The following PDE6G variants were observed in gnomAD, a reference collection of about 807,000 sequenced individuals.
The protein encoded by PDE6G is phosphodiesterase 6G.
PDE6G carries 10 observed loss-of-function variants against 10.9 expected under a neutral mutation model. The ratio of observed to expected loss-of-function variants is 0.91; its 90% CI spans 0.56 to 1.55. The LOEUF (loss-of-function observed/expected upper bound fraction) is 1.55. Among genes scored for constraint, PDE6G ranks in the 40% most tolerant of loss-of-function variants. PDE6G has a pLI of 0.00. For missense variants in PDE6G, 102 were observed against 110.1 expected, an observed-to-expected ratio of 0.93 and a Z score of 0.33; for synonymous variants, 41 against 42.8, an observed-to-expected ratio of 0.96 and a Z score of 0.16.
In PDE6G at chr17:81,651,232, G is replaced by C; in HGVS notation, c.188-82C>G. 9.9e-7 allele frequency: 1 copy of C among 1,014,398 alleles called. No homozygotes were observed. The highest frequency in any genetic ancestry group is 1.5e-6 in the Non-Finnish European group (1 of 645,778). 62.8% of individuals were successfully genotyped at this position (1,014,398 alleles called of 1,614,324 possible). On this transcript the variant is annotated intron_variant, in intron 3 of 3. Coordinates refer to ENST00000331056, the MANE Select transcript of PDE6G (RefSeq NM_002602.4). This position sits in a 1 kb window ranked among gnomAD's most constrained non-coding sequence, Gnocchi z 4.8. The stretch of plus-strand genomic sequence containing the variant: ...ATCCCCTGTGGCCCTGTTTCCCACA[G>C]CCCAGGTGTAGCCCTACAGTGTGCT...
upstream of PDE6G, chr17:81,656,659 G>A: frequency 4.3e-6 from 3 of 704,204 alleles, no homozygotes; most frequent in Non-Finnish European, 5.2e-6. Flanking sequence ...CCAAGGTTCA[G>A]GGGATGGAGA....
rs1226238299 is a variant in PDE6G at position 81,653,240 on chromosome 17, G to C, written c.66C>G (p.Thr22=). Residue 22 remains threonine, a synonymous_variant, in exon 2 of 4, where the codon ACC becomes ACG. Coordinates refer to ENST00000331056, the MANE Select transcript of PDE6G (RefSeq NM_002602.4). This position sits in a 1 kb window ranked among gnomAD's most constrained non-coding sequence, Gnocchi z 5.2. The part of the protein sequence containing the change: ...SATRVAGGPV[T]PRKGPPKFKQ... ...TAAATTTAGGGGGCCCTTTCCTGGG[G>C]GTGACAGGTCCCCCGGCCACCCTGG... 1.2e-6 allele frequency: 2 copies of C among 1,613,994 alleles called. No homozygotes were observed. The highest frequency in any genetic ancestry group is 1.3e-5 in the African/African-American group (1 of 74,922).
chr17:81,658,084 AT>A (rs2036471893), upstream of PDE6G, among the ~76,000 whole-genome samples: 1 of 150,788 alleles, frequency 6.6e-6, no homozygotes, highest in African/African-American at 2.4e-5. Context: ...CTCACTTCTT[AT>A]TTTATTATTT....
intron 2 of PDE6G, among the ~76,000 whole-genome samples, chr17:81,652,522 C>T (rs1288168162): frequency 6.6e-6 from 1 of 151,988 alleles, no homozygotes; most frequent in Non-Finnish European, 1.5e-5. Context: ...CGTGATCCGC[C>T]CGCCTCGGCC....
chr17:81,657,560 G>T (rs2036462987), upstream of PDE6G, among the ~76,000 whole-genome samples: 1 of 152,186 alleles, frequency 6.6e-6, no homozygotes, highest in Non-Finnish European at 1.5e-5. Flanking sequence ...TGACTTGCCT[G>T]TGACCTCTGC....
At position 81,653,043 on chromosome 17, in the gene PDE6G, A is replaced by T; in HGVS notation, c.146+117T>A. 1 of 1,184,924 alleles carries T rather than the reference A, an allele frequency of 8.4e-7. No homozygotes were observed. Among genetic ancestry groups the T allele is most frequent in the Non-Finnish European group, 1.3e-6 (1 of 795,070 alleles). 73.4% of individuals were successfully genotyped at this position (1,184,924 alleles called of 1,614,324 possible). ...CACCGCCCTACCTTCCCCAGCTGTGAGGCTGGGACCACTCACCCAGTGAAG... is the reference window on the plus strand; with the variant it reads ...CACCGCCCTACCTTCCCCAGCTGTGTGGCTGGGACCACTCACCCAGTGAAG... On this transcript the variant is annotated intron_variant, in intron 2 of 3. Coordinates refer to ENST00000331056, the MANE Select transcript of PDE6G (RefSeq NM_002602.4). The surrounding 1 kb of genome is among the most constrained non-coding windows in gnomAD (Gnocchi z 5.2).
Position 81,650,547 on chromosome 17 carries a change from G to T in PDE6G, c.*527C>A, listed in dbSNP as rs1202220401. On this transcript the variant is annotated 3_prime_UTR_variant, in exon 4 of 4. Coordinates refer to ENST00000331056, the MANE Select transcript of PDE6G (RefSeq NM_002602.4). ...TGGCCCCCTGGTGTGATGAGCTTGGGGCCTCATCTGCTCACCGTGCACGCC... is the reference window on the plus strand; with the variant it reads ...TGGCCCCCTGGTGTGATGAGCTTGGTGCCTCATCTGCTCACCGTGCACGCC... 1 of 454,146 alleles carries T rather than the reference G, an allele frequency of 2.2e-6. No individual in the cohort carries two copies. The highest frequency in any genetic ancestry group is 1.6e-5 in the South Asian group (1 of 64,484). The allele number at this position is 454,146 out of a possible 1,614,324, so 28.1% of individuals were successfully genotyped here.
At chr17:81,652,128 G>A (rs999700784) in intron 2 of PDE6G, among the ~76,000 whole-genome samples, 14 of 151,186 alleles carry the variant, frequency 9.3e-5, no homozygotes, top group East Asian at 1.9e-4. Flanking sequence ...TCCTCGGTGC[G>A]TTGATGGGAG....
rs2036387586 is a variant in PDE6G at position 81,653,094 on chromosome 17, C to T, written c.146+66G>A. The T allele has an allele frequency of 6.3e-7, 1 of 1,583,994 alleles. No individual in the cohort carries two copies. The highest frequency in any genetic ancestry group is 1.7e-5 in the Admixed American group (1 of 59,946). ...TGGCCCCAGGCTCTGCCCCGCCCTCCCCTTCCTGTGCAGCCTCAGGACCGC... is the reference window on the plus strand; with the variant it reads ...TGGCCCCAGGCTCTGCCCCGCCCTCTCCTTCCTGTGCAGCCTCAGGACCGC... On this transcript the variant is annotated intron_variant, in intron 2 of 3. Coordinates refer to ENST00000331056, the MANE Select transcript of PDE6G (RefSeq NM_002602.4). The surrounding 1 kb of genome is among the most constrained non-coding windows in gnomAD (Gnocchi z 5.2).
intron 1 of PDE6G, among the ~76,000 whole-genome samples, chr17:81,655,904 TG>T (rs1340642723): frequency 1.3e-5 from 2 of 152,156 alleles, no homozygotes; most frequent in African/African-American, 4.8e-5. Context: ...GCTGGGCACC[TG>T]GGATTGGGGT....
Position 81,651,230 on chromosome 17 carries a change from C to T in PDE6G, c.188-80G>A, listed in dbSNP as rs1344323335. The T allele has an allele frequency of 5.8e-6, 6 of 1,033,052 alleles. No individual in the cohort carries two copies. In the African/African-American group the frequency reaches 7.9e-5, roughly 14 times the overall value. The allele number at this position is 1,033,052 out of a possible 1,614,324, so 64.0% of individuals were successfully genotyped here. A position where few individuals can be genotyped will look rare whatever the true frequency, so the allele number is the denominator to read the frequency against. ...CCATCCCCTGTGGCCCTGTTTCCCACAGCCCAGGTGTAGCCCTACAGTGTG... is the reference window on the plus strand; with the variant it reads ...CCATCCCCTGTGGCCCTGTTTCCCATAGCCCAGGTGTAGCCCTACAGTGTG... On this transcript the variant is annotated intron_variant, in intron 3 of 3. Transcript: ENST00000331056. The surrounding 1 kb of genome is among the most constrained non-coding windows in gnomAD (Gnocchi z 4.8).
upstream of PDE6G, among the ~76,000 whole-genome samples, chr17:81,659,109 T>TC (rs2036484838): frequency 6.7e-6 from 1 of 148,774 alleles, no homozygotes; most frequent in Non-Finnish European, 1.5e-5. Context: ...CATGGCTCAA[T>TC]CCCTCACTCA....
intron 2 of PDE6G, among the ~76,000 whole-genome samples, chr17:81,652,481 C>A (rs1430427248): frequency 1.3e-5 from 2 of 151,616 alleles, no homozygotes; most frequent in Admixed American, 6.6e-5. Flanking sequence ...GTTTCACCTT[C>A]TTAGCCAGAA....
upstream of PDE6G, chr17:81,656,860 C>G (rs1257683260): frequency 1.9e-6 from 1 of 529,504 alleles, no homozygotes; most frequent in Non-Finnish European, 3.4e-6. Context: ...CTCTGAAGGG[C>G]CCACCTTCAT....
At chr17:81,662,001 AACCTGGGT>A (rs1326419673) in intron 1 of PDE6G, among the ~76,000 whole-genome samples, 8 of 152,050 alleles carry the variant, frequency 5.3e-5, no homozygotes, top group Non-Finnish European at 1.2e-4. Context: ...ACTACACTCC[AACCTGGGT>A]GACAGGGCGA....
intron 1 of PDE6G, among the ~76,000 whole-genome samples, chr17:81,662,811 G>A (rs2144416826): frequency 6.6e-6 from 1 of 152,026 alleles, no homozygotes; most frequent in South Asian, 2.1e-4. Flanking sequence ...CCAGCTGGGT[G>A]ATATGGCGAA....
At chr17:81,657,323 C>T (rs1462126401), upstream of PDE6G, among the ~76,000 whole-genome samples, 1 of 136,788 alleles carries the variant, frequency 7.3e-6, no homozygotes, top group Non-Finnish European at 1.6e-5. Context: ...AAATTTCTTC[C>T]TGAGGGGCCT....
chr17:81,656,609 C>T (rs773540830), upstream of PDE6G: 2 of 733,384 alleles, frequency 2.7e-6, no homozygotes, highest in East Asian at 5.1e-5. Context: ...CTCAGTGCCA[C>T]CCTAATGAGA....
chr17:81,653,372 C>A lies in PDE6G; in HGVS notation c.-59-8G>T, dbSNP rs888920583. 2 of 1,575,778 alleles carry A rather than the reference C, an allele frequency of 1.3e-6. No homozygotes were observed. Among genetic ancestry groups the A allele is most frequent in the Non-Finnish European group, 1.7e-6 (2 of 1,160,492 alleles). On this transcript the variant is annotated splice_region_variant and splice_polypyrimidine_tract_variant and intron_variant, in intron 1 of 3. Transcript: ENST00000331056. The surrounding 1 kb of genome is among the most constrained non-coding windows in gnomAD (Gnocchi z 5.2). Reference sequence around the variant, plus strand: ...ACTCCCTCCTGCTGCGGTCTGGGGGCAGACCAGGCCCGGGTCCCAGTCAGC... The same window carrying A: ...ACTCCCTCCTGCTGCGGTCTGGGGGAAGACCAGGCCCGGGTCCCAGTCAGC...
Sources: gnomAD v4.1 joint callset for allele counts (sites outside exome capture counted in the v4.1 genomes callset) on GRCh38, gnomAD v4.1.1 for gene constraint, Gnocchi (gnomAD v3.1) non-coding constraint, MANE v1.5 for transcripts, NCBI Gene and HGNC (gene_info 2026-07-23, HGNC 2026-07-21) for gene names.